The following CCDC63 variants were observed in gnomAD, a reference collection of about 807,000 sequenced individuals.
CCDC63 encodes coiled-coil domain containing 63.
A neutral mutation model predicts 63.6 loss-of-function variants in CCDC63; 54 were observed. That is an observed-to-expected ratio of 0.85 (90% CI 0.68 to 1.07). CCDC63 has a LOEUF of 1.07. Among genes scored for constraint, CCDC63 ranks in the 50% least tolerant of loss-of-function variants. The pLI is 0.00. For missense variants in CCDC63, 637 were observed against 689.6 expected (o/e 0.92, Z 0.86); for synonymous variants, 253 against 266.1 (o/e 0.95, Z 0.48).
rs1464625028 is a variant in CCDC63 at position 110,879,988 on chromosome 12, C to T, written c.572C>T (p.Ala191Val). 6.2e-7 allele frequency: 1 copy of T among 1,614,086 alleles called. No individual in the cohort carries two copies. The highest frequency in any genetic ancestry group is 8.5e-7 in the Non-Finnish European group (1 of 1,180,036). The change falls in exon 6 of 12, where the codon GCT becomes GTT. Residue 191 changes from alanine (A) to valine (V), a missense_variant. Transcript: ENST00000308208. Reference protein sequence around the residue: ...EIEDLRFEKAAYDNVYQQLQH... With the variant: ...EIEDLRFEKAVYDNVYQQLQH... ...GAAGACCTACGATTTGAGAAGGCTG[C>T]TTATGACAATGTCTACCAGCAGCTC...
At chr12:110,883,954 C>T (rs2136703898) in intron 7 of CCDC63, 76 bp from the exon 8 acceptor site, 2 of 1,135,230 alleles carry the variant, frequency 1.8e-6, no homozygotes, top group South Asian at 2.6e-5. Context: ...TAATATTGAT[C>T]ACGTTACTGT....
At chr12:110,869,020 G>C (rs1048478912) in intron 4 of CCDC63, among the ~76,000 whole-genome samples, 1 of 151,124 alleles carries the variant, frequency 6.6e-6, no homozygotes, top group African/African-American at 2.4e-5. Flanking sequence ...AGCTTCCCAT[G>C]AAGATAGCTG....
intron 8 of CCDC63, among the ~76,000 whole-genome samples, chr12:110,887,469 T>C (rs894022769): frequency 6.6e-6 from 1 of 151,676 alleles, no homozygotes; most frequent in Non-Finnish European, 1.5e-5. Flanking sequence ...AATGTTTTTG[T>C]TTAATCCCAT....
chr12:110,875,830 G>A (rs1422988423), intron 5 of CCDC63, among the ~76,000 whole-genome samples: 5 of 152,128 alleles, frequency 3.3e-5, no homozygotes, highest in South Asian at 2.1e-4. Context: ...GGTGGCTCAC[G>A]CCTGTAATCC....
intron 8 of CCDC63, among the ~76,000 whole-genome samples, chr12:110,887,407 T>TGA (rs2071297620): frequency 6.6e-6 from 1 of 151,964 alleles, no homozygotes; most frequent in Non-Finnish European, 1.5e-5. Flanking sequence ...ATTACAGGGA[T>TGA]GAGCCACCAC....
chr12:110,873,774 G>A, intron 4 of CCDC63, 68 bp from the exon 5 acceptor site: 1 of 1,567,442 alleles, frequency 6.4e-7, no homozygotes, highest in Non-Finnish European at 8.7e-7. Flanking sequence ...TTCAGTTAGT[G>A]AACTGTAGAA....
intron 4 of CCDC63, among the ~76,000 whole-genome samples, chr12:110,860,792 T>G (rs1442627074): frequency 6.6e-6 from 1 of 152,184 alleles, no homozygotes; most frequent in Non-Finnish European, 1.5e-5. Flanking sequence ...TTTCACCATG[T>G]TGCCCAGGCT....
chr12:110,906,524 G>A (rs2071586096), intron 11 of CCDC63, among the ~76,000 whole-genome samples: 1 of 151,946 alleles, frequency 6.6e-6, no homozygotes, highest in Non-Finnish European at 1.5e-5. Flanking sequence ...CAATGACCTT[G>A]CATGACTTTA....
At chr12:110,868,381 G>A (rs1459203769) in intron 4 of CCDC63, among the ~76,000 whole-genome samples, 2 of 148,782 alleles carry the variant, frequency 1.3e-5, no homozygotes, top group South Asian at 2.1e-4. Context: ...CAAGGCAGGC[G>A]GCTGGGAGGT....
Position 110,899,098 on chromosome 12 carries a change from A to G in CCDC63, c.1315A>G (p.Thr439Ala). The G allele has an allele frequency of 1.9e-6, 3 of 1,612,952 alleles. No homozygotes were observed. Among genetic ancestry groups the G allele is most frequent in the Non-Finnish European group, 2.5e-6 (3 of 1,179,554 alleles). The change falls in exon 10 of 12, where the codon ACT (threonine) becomes GCT (alanine). Residue 439 changes from threonine (T) to alanine (A), a missense_variant. Transcript: ENST00000308208. ...LVQLGETGKV[T>A]DINLPQYFAI... ...GCAGTTAGGGGAGACGGGGAAAGTC[A>G]CTGACATCAACCTTCCGCAGTATTT...
At chr12:110,867,080 G>A (rs574146323) in intron 4 of CCDC63, among the ~76,000 whole-genome samples, 16,677 of 118,028 alleles carry the variant, frequency 0.14, 1,593 homozygotes, top group African/African-American at 0.18. Flanking sequence ...GCCGGGCAGA[G>A]GCACCCCTCA....
chr12:110,888,182 C>T (rs1166614280), intron 8 of CCDC63, among the ~76,000 whole-genome samples: 1 of 152,140 alleles, frequency 6.6e-6, no homozygotes, highest in Non-Finnish European at 1.5e-5. Context: ...TCAGGCGCGT[C>T]ACCACTGTCC....
chr12:110,864,409 G>A (rs2070908761), intron 4 of CCDC63, among the ~76,000 whole-genome samples: 1 of 148,274 alleles, frequency 6.7e-6, no homozygotes, highest in Non-Finnish European at 1.5e-5. Context: ...GGGCAACATA[G>A]CGAGACCCTG....
chr12:110,890,147 A>G (rs2136717839), intron 8 of CCDC63, among the ~76,000 whole-genome samples: 1 of 152,084 alleles, frequency 6.6e-6, no homozygotes, highest in South Asian at 2.1e-4. Flanking sequence ...ACAAGACACA[A>G]AAAGAAATTA....
intron 3 of CCDC63, 38 bp from the exon 4 acceptor site, chr12:110,858,548 A>C (rs371057616): frequency 1.4e-4 from 221 of 1,570,698 alleles, no homozygotes; most frequent in Non-Finnish European, 1.8e-4. Context: ...AGTTAAACTT[A>C]GGGGTTTGGG....
In CCDC63 at chr12:110,850,229, C is replaced by G. The variant is rs372938773; in HGVS notation, c.-96-2630C>G. On this transcript the variant is annotated intron_variant, in intron 1 of 11. Transcript: ENST00000308208. ...AGAAAGGATGGAAAGGTCACATCCACTTCTTAAAAGTCATGATCTGGAAGT... is the reference window on the plus strand; with the variant it reads ...AGAAAGGATGGAAAGGTCACATCCAGTTCTTAAAAGTCATGATCTGGAAGT... 7.9e-5 allele frequency among the ~76,000 whole-genome samples: 12 copies of G among 152,326 alleles called. No homozygotes were observed. In the South Asian group the frequency reaches 2.3e-3, roughly 29 times the overall value.
intron 5 of CCDC63, 30 bp downstream of exon 5, chr12:110,873,991 A>G (rs1464116592): frequency 1.0e-5 from 16 of 1,596,830 alleles, no homozygotes; most frequent in Non-Finnish European, 1.4e-5. Context: ...CAGCTCTGCA[A>G]ACAGCTCTGC....
chr12:110,853,210 A>G (rs1371222374), intron 2 of CCDC63, among the ~76,000 whole-genome samples, 195 bp from the exon 3 acceptor site: 1 of 152,082 alleles, frequency 6.6e-6, no homozygotes, highest in Non-Finnish European at 1.5e-5. Flanking sequence ...ATTACAAGTC[A>G]GTCATCTCTC....
chr12:110,887,349 C>T (rs986529696), intron 8 of CCDC63, among the ~76,000 whole-genome samples: 6 of 151,688 alleles, frequency 4.0e-5, no homozygotes, highest in South Asian at 4.2e-4. Flanking sequence ...TGGTCTCGAA[C>T]GCCTGAACTC....
Sources: allele counts gnomAD v4.1 joint callset (sites outside exome capture counted in the v4.1 genomes callset), GRCh38; gene constraint gnomAD v4.1.1; transcripts MANE v1.5; gene names NCBI Gene and HGNC (gene_info 2026-07-23, HGNC 2026-07-21).